Variants in POLE observed in about 807,000 individuals in gnomAD.
The protein encoded by POLE is DNA polymerase epsilon catalytic subunit A.
A neutral mutation model predicts 279.2 loss-of-function variants in POLE; 188 were observed. The observed-to-expected ratio is 0.67, with a 90% CI of 0.60 to 0.76. The LOEUF is 0.76. Ranked by LOEUF, POLE falls within the 30% of genes least tolerant of loss-of-function variation. The pLI, the probability that POLE is intolerant of heterozygous loss-of-function variation, is 0.00. For missense variants in POLE, 2,703 were observed against 3,016.7 expected, an observed-to-expected ratio of 0.90 and a Z score of 2.44; for synonymous variants, 1,214 against 1,172.5, an observed-to-expected ratio of 1.04 and a Z score of -0.72.
At chr12:132,637,003 G>T (rs1175947404) in intron 41 of POLE, among the ~76,000 whole-genome samples, 1 of 152,198 alleles carries the variant, frequency 6.6e-6, no homozygotes, top group Non-Finnish European at 1.5e-5. Flanking sequence ...TGGCCAACGT[G>T]GGGAGAGGCA....
chr12:132,670,000 G>A (rs2042888737), intron 16 of POLE, among the ~76,000 whole-genome samples: 1 of 152,086 alleles, frequency 6.6e-6, no homozygotes, highest in Admixed American at 6.6e-5. Flanking sequence ...ACTCACCAGG[G>A]AGCCTGGCAT....
At position 132,675,885 on chromosome 12, in the gene POLE, C is replaced by G; in HGVS notation, c.1021-65G>C. The stretch of plus-strand genomic sequence containing the variant: ...CTTCTTCAAGCTATTCCAAATTCCT[C>G]TCCCAAAGTTCAGAAGCAGCAGCCT... On this transcript the variant is annotated intron_variant, in intron 10 of 48. Coordinates refer to ENST00000320574, the MANE Select transcript of POLE (RefSeq NM_006231.4). The surrounding 1 kb of genome is among the most constrained non-coding windows in gnomAD (Gnocchi z 4.3). 1 of 1,365,024 alleles carries G rather than the reference C, an allele frequency of 7.3e-7. No individual in the cohort carries two copies. Among genetic ancestry groups the G allele is most frequent in the Admixed American group, 1.7e-5 (1 of 59,192 alleles). 84.6% of individuals were successfully genotyped at this position (1,365,024 alleles called of 1,614,324 possible).
intron 13 of POLE, 127 bp from the exon 14 acceptor site, chr12:132,673,404 C>CA: frequency 8.3e-7 from 1 of 1,201,266 alleles, no homozygotes; most frequent in South Asian, 1.3e-5. Flanking sequence ...CGGCACAGGA[C>CA]AAAACACGTG....
Position 132,634,173 on chromosome 12 carries a change from G to A in POLE, c.6004+13C>T, listed in dbSNP as rs2138472887. ...TTCAGTGGGGGCTGCGCAGCCCTGG[G>A]CTCTGGGCTTACCTGAAACAATCAT... On this transcript the variant is annotated intron_variant, in intron 43 of 48. Transcript: ENST00000320574. This position sits in a 1 kb window ranked among gnomAD's most constrained non-coding sequence, Gnocchi z 4.0. 2.5e-6 allele frequency: 4 copies of A among 1,603,758 alleles called. No individual in the cohort carries two copies. Among genetic ancestry groups the A allele is most frequent in the Non-Finnish European group, 3.4e-6 (4 of 1,173,970 alleles).
chr12:132,676,260 G>T, intron 9 of POLE, 56 bp from the exon 10 acceptor site: 1 of 1,193,668 alleles, frequency 8.4e-7, no homozygotes. Context: ...CCAAGAAATG[G>T]CGTTCCCACC....
intron 25 of POLE, chr12:132,660,160 C>T (rs4883536): frequency 0.34 from 53,298 of 155,266 alleles, 9,608 homozygotes; most frequent in East Asian, 0.65. Flanking sequence ...AAACTCCGGC[C>T]GGCTGGAGAG....
At chr12:132,687,214 C>T (rs757750600) in intron 1 of POLE, 40 bp downstream of exon 1, 11 of 1,386,542 alleles carry the variant, frequency 7.9e-6, no homozygotes, top group Non-Finnish European at 1.0e-5. Context: ...TGGCACCCTC[C>T]GGAGGGCCGG....
rs5744963 is a variant in POLE, at chr12:132,639,538, T to TCCCTCAACACAA, written c.5379-241_5379-240insTTGTGTTGAGGG. 0.67 allele frequency among the ~76,000 whole-genome samples: 101,705 copies of TCCCTCAACACAA among 151,764 alleles called. 34,916 individuals are homozygous for TCCCTCAACACAA. The highest frequency in any genetic ancestry group is 0.81 in the African/African-American group (33,413 of 41,392). ...TTAAACTTGTTCAGGCTTCACCGCA[T>TCCCTCAACACAA]CCCAAACTCTGTGTGTTCTAAAGCA... On this transcript the variant is annotated intron_variant, in intron 39 of 48. Coordinates refer to ENST00000320574, the MANE Select transcript of POLE (RefSeq NM_006231.4). This position sits in a 1 kb window ranked among gnomAD's most constrained non-coding sequence, Gnocchi z 4.7.
Position 132,672,665 on chromosome 12 carries a change from C to T in POLE, c.1648G>A (p.Gly550Arg), listed in dbSNP as rs1385107035. Residue 550 changes from glycine (G) to arginine (R), a missense_variant, in exon 15 of 49, where the codon GGG becomes AGG. By Grantham distance (125) the Gly-to-Arg change is moderately radical. This residue lies in a region of POLE where 1,011 missense variants were observed against 1,111.7 expected (regional missense o/e 0.91). Transcript: ENST00000320574. ...CAAGGGATATCGCTGCGGAAAACCC[C>T]AGACTCGAGGGCCTCCACGTGGCCC... Reference protein sequence around the residue: ...VGGHVEALESGVFRSDIPCRF... With the variant: ...VGGHVEALESRVFRSDIPCRF... 1.2e-6 allele frequency: 2 copies of T among 1,614,158 alleles called. No individual in the cohort carries two copies. The highest frequency in any genetic ancestry group is 2.2e-5 in the East Asian group (1 of 44,880).
At chr12:132,654,087 C>T (rs1253327643) in intron 29 of POLE, among the ~76,000 whole-genome samples, 2 of 152,006 alleles carry the variant, frequency 1.3e-5, no homozygotes, top group South Asian at 2.1e-4. Context: ...TTGTTCATGG[C>T]CCGTAACTTT....
intron 12 of POLE, 34 bp from the exon 13 acceptor site, chr12:132,673,741 T>A (rs773769500): frequency 6.2e-7 from 1 of 1,610,762 alleles, no homozygotes; most frequent in Admixed American, 1.7e-5. Flanking sequence ...GCCAGGATGA[T>A]TCTAACATGC....
At chr12:132,674,319 C>T (rs1244107153) in intron 12 of POLE, among the ~76,000 whole-genome samples, 1 of 152,044 alleles carries the variant, frequency 6.6e-6, no homozygotes. Flanking sequence ...ACCCTGTGGC[C>T]TTCTTCTCTC....
intron 40 of POLE, 45 bp from the exon 41 acceptor site, chr12:132,638,184 G>A (rs754910781): frequency 4.4e-6 from 7 of 1,591,722 alleles, no homozygotes; most frequent in Non-Finnish European, 6.0e-6. Flanking sequence ...CCACAGTCAT[G>A]GAGAGCCAGA....
At chr12:132,625,601 C>A (rs757391004) in intron 47 of POLE, 44 bp downstream of exon 47, 44 of 1,607,142 alleles carry the variant, frequency 2.7e-5, no homozygotes, top group Non-Finnish European at 2.5e-6. Context: ...AGAAACCCCC[C>A]TGTGGACTCC....
At chr12:132,638,433 C>T (rs187300641) in intron 40 of POLE, 48 of 214,668 alleles carry the variant, frequency 2.2e-4, no homozygotes, top group African/African-American at 1.0e-3. Flanking sequence ...AGAAGAACCA[C>T]CAAAACTACA....
chr12:132,635,782 T>A (rs937668808), intron 42 of POLE, 110 bp downstream of exon 42: 1 of 1,088,020 alleles, frequency 9.2e-7, no homozygotes, highest in African/African-American at 1.6e-5. Flanking sequence ...GCGGGTGCAG[T>A]GTCTGCTGCT....
At position 132,649,478 on chromosome 12, in the gene POLE, T is replaced by C. The variant is rs1209509734; in HGVS notation, c.3833A>G (p.Lys1278Arg). ...WLVWLRFHKKKWQLQARQRLA... is the reference protein window; with the variant it reads ...WLVWLRFHKKRWQLQARQRLA... ...GCGCTGCCGGGCCTGCAGCTGCCAC[T>C]TCTTCTTGTGGAACCGGAGCCAGAC... Residue 1278 changes from lysine (K) to arginine (R), a missense_variant, in exon 31 of 49, where the codon AAG (lysine) becomes AGG (arginine). By Grantham distance (26) the Lys-to-Arg change is conservative (BLOSUM62 2). Transcript: ENST00000320574. The C allele has an allele frequency of 5.0e-6, 8 of 1,612,438 alleles. No homozygotes were observed. In the African/African-American group the frequency reaches 9.3e-5, roughly 19 times the overall value.
Position 132,634,371 on chromosome 12 carries a change from G to A in POLE, c.5819C>T (p.Ser1940Phe), listed in dbSNP as rs2138475683. The A allele has an allele frequency of 6.2e-7, 1 of 1,612,674 alleles. No homozygotes were observed. Among genetic ancestry groups the A allele is most frequent in the South Asian group, 1.1e-5 (1 of 90,908 alleles). Residue 1940 changes from serine (S) to phenylalanine (F), a missense_variant, in exon 43 of 49, where the codon TCC becomes TTC. Around this residue, in one of 5 missense-constraint regions of POLE, gnomAD observed 1,551 missense variants for 1,686.1 expected, o/e 0.92. Transcript: ENST00000320574. This position sits in a 1 kb window ranked among gnomAD's most constrained non-coding sequence, Gnocchi z 4.0. ...ATCCTCTGCTCCCCCTGCTTTCTGG[G>A]AGTCTTGCTGTAACACATGAGACAA... is the stretch of plus-strand genomic sequence containing the variant. The part of the protein sequence containing the change: ...SSRIHCGLQD[S>F]QKAGGAEDEQ...
At chr12:132,669,030 A>G (rs1805050113) in intron 16 of POLE, 91 bp from the exon 17 acceptor site, 1 of 1,283,732 alleles carries the variant, frequency 7.8e-7, no homozygotes, top group Admixed American at 2.7e-5. Context: ...AGGAGAGGAA[A>G]AAGCTGAAAA....
Sources: gnomAD v4.1 joint callset for allele counts (sites outside exome capture counted in the v4.1 genomes callset) on GRCh38, gnomAD v4.1.1 for gene constraint, gnomAD v4.1.1 regional missense constraint, Gnocchi (gnomAD v3.1) non-coding constraint, MANE v1.5 for transcripts, NCBI Gene and HGNC (gene_info 2026-07-23, HGNC 2026-07-21) for gene names.